The following LRRC37A2 variants were observed in gnomAD, a reference collection of about 807,000 sequenced individuals.
LRRC37A2 encodes the protein leucine-rich repeat-containing protein 37A2.
Under a neutral mutation model 68.8 loss-of-function variants are expected in LRRC37A2, and 9 were observed. The ratio of observed to expected loss-of-function variants is 0.13; its 90% CI spans 0.08 to 0.23. LRRC37A2 has a LOEUF of 0.23. Among genes scored for constraint, LRRC37A2 ranks in the 10% least tolerant of loss-of-function variants. The pLI is 1.00. For synonymous variants in LRRC37A2, 63 were observed against 367.6 expected, an observed-to-expected ratio of 0.17 and a Z score of 9.48; for missense variants, 168 against 950.4, an observed-to-expected ratio of 0.18 and a Z score of 10.82.
the LRRC37A2 span, among the ~76,000 whole-genome samples, chr17:46,839,992 T>TCTTTCTCTTC: frequency 1.3e-3 from 155 of 117,896 alleles, 1 homozygote; most frequent in African/African-American, 4.8e-3. Context: ...TTTCTTTCTT[T>TCTTTCTCTTC]TTTCTTTCTT....
the LRRC37A2 span, among the ~76,000 whole-genome samples, chr17:46,982,668 C>T: frequency 6.6e-6 from 1 of 152,194 alleles, no homozygotes. Context: ...ATCCCCGTCC[C>T]CCTCTCTCCC....
At chr17:46,938,893 AT>A in the LRRC37A2 span, 10 of 1,541,094 alleles carry the variant, frequency 6.5e-6, no homozygotes, top group Non-Finnish European at 8.7e-6. Context: ...CTTGGGAGTG[AT>A]TGTGGTCTAA....
the LRRC37A2 span, among the ~76,000 whole-genome samples, chr17:46,718,828 G>T: frequency 6.6e-6 from 1 of 152,182 alleles, no homozygotes; most frequent in Non-Finnish European, 1.5e-5. Flanking sequence ...TGAAATCAAT[G>T]AAGTGTAGTG....
At chr17:47,024,565 C>G in the LRRC37A2 span, 1 of 776,906 alleles carries the variant, frequency 1.3e-6, no homozygotes, top group Non-Finnish European at 2.4e-6. Flanking sequence ...CAGAGCAGAT[C>G]CCACCATCTT....
chr17:46,490,744 T>C, the LRRC37A2 span, among the ~76,000 whole-genome samples: 2 of 150,348 alleles, frequency 1.3e-5, no homozygotes, highest in Non-Finnish European at 2.9e-5. Context: ...AAAAAACCTT[T>C]ACATTTTATT....
chr17:46,879,618 G>C, the LRRC37A2 span, among the ~76,000 whole-genome samples: 1 of 152,192 alleles, frequency 6.6e-6, no homozygotes, highest in African/African-American at 2.4e-5. Context: ...TATAGATGAG[G>C]TCCAGAGATG....
chr17:46,956,494 GTC>G, the LRRC37A2 span, among the ~76,000 whole-genome samples: 1 of 152,060 alleles, frequency 6.6e-6, no homozygotes, highest in Non-Finnish European at 1.5e-5. Flanking sequence ...CAGGGTTTCT[GTC>G]TCTACTGGTT....
chr17:46,982,458 T>C, the LRRC37A2 span, among the ~76,000 whole-genome samples: 4 of 152,012 alleles, frequency 2.6e-5, no homozygotes, highest in African/African-American at 7.3e-5. Flanking sequence ...AAGCATCTAT[T>C]ACATGCCCAG....
chr17:46,721,486 C>T, the LRRC37A2 span: 2 of 753,640 alleles, frequency 2.7e-6, no homozygotes, highest in Non-Finnish European at 4.5e-6. Flanking sequence ...GATAATTTTA[C>T]CTGTTCTACA....
chr17:46,386,183 C>T, the LRRC37A2 span, among the ~76,000 whole-genome samples: 4 of 115,488 alleles, frequency 3.5e-5, no homozygotes, highest in Admixed American at 1.7e-4. Flanking sequence ...ACTGCAACCT[C>T]GACCTGTTGG....
chr17:46,975,892 A>AAAGT, the LRRC37A2 span, among the ~76,000 whole-genome samples: 1 of 151,344 alleles, frequency 6.6e-6, no homozygotes, highest in Non-Finnish European at 1.5e-5. Context: ...GAAGAAAGAT[A>AAAGT]AAGGAAGGAA....
At chr17:46,898,515 C>T in the LRRC37A2 span, among the ~76,000 whole-genome samples, 1 of 152,166 alleles carries the variant, frequency 6.6e-6, no homozygotes. Context: ...TCTGGACTGA[C>T]ACTGTATGTG....
chr17:46,779,715 G>A, the LRRC37A2 span, among the ~76,000 whole-genome samples: 3 of 152,222 alleles, frequency 2.0e-5, no homozygotes, highest in Non-Finnish European at 2.9e-5. Context: ...GCTGTGGCCA[G>A]AGGGCTGCAG....
At chr17:46,877,508 G>C in the LRRC37A2 span, among the ~76,000 whole-genome samples, 1 of 152,312 alleles carries the variant, frequency 6.6e-6, no homozygotes, top group South Asian at 2.1e-4. Flanking sequence ...CCACCAAGGC[G>C]GGACTCAGTG....
chr17:46,729,504 G>A, the LRRC37A2 span, among the ~76,000 whole-genome samples: 1 of 150,670 alleles, frequency 6.6e-6, no homozygotes, highest in African/African-American at 2.4e-5. Flanking sequence ...TTGTGATTTT[G>A]GTAGGTTAAC....
the LRRC37A2 span, among the ~76,000 whole-genome samples, chr17:46,714,939 C>T: frequency 2.0e-5 from 3 of 152,208 alleles, no homozygotes; most frequent in African/African-American, 4.8e-5. Flanking sequence ...CTTAGGCATT[C>T]GCTTTATAAA....
chr17:46,818,838 G>A, the LRRC37A2 span: 1 of 565,566 alleles, frequency 1.8e-6, no homozygotes, highest in South Asian at 2.2e-5. Context: ...AGTTCAGCCT[G>A]TCAATCACGC....
chr17:46,549,359 A>C, exon 10 of LRRC37A2: 1 of 1,587,422 alleles, frequency 6.3e-7, no homozygotes. Flanking sequence ...GAAAACACTA[A>C]CATGCCAGAA....
chr17:46,935,016 G>C, the LRRC37A2 span: 1 of 1,611,960 alleles, frequency 6.2e-7, no homozygotes, highest in East Asian at 2.2e-5. Flanking sequence ...AAGTGCCTGT[G>C]TTTCTTTCAC....
Sources: gnomAD v4.1 joint callset for allele counts (sites outside exome capture counted in the v4.1 genomes callset) on GRCh38, gnomAD v4.1.1 for gene constraint, MANE v1.5 for transcripts, NCBI Gene and HGNC (gene_info 2026-07-23, HGNC 2026-07-21) for gene names.